The following ERBB3 variants were observed in gnomAD, a reference collection of about 807,000 sequenced individuals.
ERBB3 encodes erb-b2 receptor tyrosine kinase 3.
A neutral mutation model predicts 156.7 loss-of-function variants in ERBB3; 96 were observed. The observed-to-expected ratio is 0.61, with a 90% CI of 0.52 to 0.73. The LOEUF (loss-of-function observed/expected upper bound fraction) is 0.73, where lower values mean the gene tolerates loss of function less well. ERBB3 is among the 30% of genes least tolerant of loss of function. The pLI is 0.00. For missense variants in ERBB3, 1,406 were observed against 1,709.4 expected (o/e 0.82, Z 3.13); for synonymous variants, 567 against 632.0 (o/e 0.90, Z 1.54).
intron 9 of ERBB3, chr12:56,089,184 AGTGCAGTGGCGT>A: frequency 4.3e-6 from 2 of 465,746 alleles, no homozygotes; most frequent in Non-Finnish European, 8.5e-6. Context: ...CCTAGGCTGG[AGTGCAGTGGCGT>A]GATCTCGACT....
chr12:56,094,034 TGAGATCG>T, intron 13 of ERBB3, 58 bp from the exon 14 acceptor site: 8 of 1,553,468 alleles, frequency 5.1e-6, no homozygotes, highest in Non-Finnish European at 7.1e-6. Flanking sequence ...CCTGTGGTTG[TGAGATCG>T]GAGCATGAAG....
Position 56,087,570 on chromosome 12 carries a change from C to A in ERBB3, c.548-7C>A. 1 of 1,613,838 alleles carries A rather than the reference C, an allele frequency of 6.2e-7. No homozygotes were observed. The highest frequency in any genetic ancestry group is 8.5e-7 in the Non-Finnish European group (1 of 1,179,726). ...TGGCCCCTTGTGTTGCCTTCCTTCC[C>A]AACCAGGTCCCCCCTGTCATGAGGT... On this transcript the variant is annotated splice_region_variant and splice_polypyrimidine_tract_variant and intron_variant, in intron 4 of 27. Coordinates refer to ENST00000267101, the MANE Select transcript of ERBB3 (RefSeq NM_001982.4).
At chr12:56,100,323 G>A in intron 26 of ERBB3, 78 bp downstream of exon 26, 1 of 1,200,388 alleles carries the variant, frequency 8.3e-7, no homozygotes, top group African/African-American at 1.5e-5. Flanking sequence ...AAACCTCTGA[G>A]GTTTAATCAG....
In ERBB3 at chr12:56,093,467, A is replaced by T. The variant is rs1408437991; in HGVS notation, c.1397A>T (p.His466Leu). The stretch of plus-strand genomic sequence containing the variant: ...GCCAATAGGCAGCTCTGCTACCACC[A>T]CTCTTTGAACTGGACCAAGGTGCTT... Reference protein sequence around the residue: ...ISANRQLCYHHSLNWTKVLRG... With the variant: ...ISANRQLCYHLSLNWTKVLRG... The change falls in exon 12 of 28, where the codon CAC (histidine) becomes CTC (leucine). Residue 466 changes from histidine (H) to leucine (L), a missense_variant. By Grantham distance (99) the His-to-Leu change is moderately conservative. Transcript: ENST00000267101. The T allele has an allele frequency of 6.2e-7, 1 of 1,613,598 alleles. No homozygotes were observed. The highest frequency in any genetic ancestry group is 1.1e-5 in the South Asian group (1 of 91,072).
In ERBB3 at chr12:56,096,497, C is replaced by T. The variant is rs373877469; in HGVS notation, c.2056-6C>T. ...CCTGAGTAACTCCTTCCCATTTGCT[C>T]CTCAGAGCATAGAGCCTCTGGACCC... is the stretch of plus-strand genomic sequence containing the variant. On this transcript the variant is annotated splice_polypyrimidine_tract_variant and splice_region_variant and intron_variant, in intron 17 of 27. Transcript: ENST00000267101. 3 of 1,613,736 alleles carry T rather than the reference C, an allele frequency of 1.9e-6. No individual in the cohort carries two copies. In the African/African-American group the frequency reaches 4.0e-5, roughly 22 times the overall value.
chr12:56,098,976 CAG>C (rs949101360), intron 23 of ERBB3, 71 bp downstream of exon 23: 102 of 1,281,610 alleles, frequency 8.0e-5, no homozygotes, highest in Non-Finnish European at 1.1e-4. Context: ...TTTTTTGAGA[CAG>C]AGTCTCACAA....
intron 1 of ERBB3, 101 bp from the exon 2 acceptor site, chr12:56,083,650 G>GT: frequency 7.4e-7 from 1 of 1,344,818 alleles, no homozygotes. Context: ...CCTGTCTAAT[G>GT]TAACTGGAAG....
At position 56,101,873 on chromosome 12, in the gene ERBB3, C is replaced by T. The variant is rs1592232893; in HGVS notation, c.3847C>T (p.Pro1283Ser). The T allele has an allele frequency of 6.2e-7, 1 of 1,613,358 alleles. No homozygotes were observed. Among genetic ancestry groups the T allele is most frequent in the Non-Finnish European group, 8.5e-7 (1 of 1,179,828 alleles). Residue 1283 changes from proline (P) to serine (S), a missense_variant, in exon 28 of 28, where the codon CCA becomes TCA. Around this residue, in one of 3 missense-constraint regions of ERBB3, gnomAD observed 415 missense variants for 454.1 expected, o/e 0.91. Transcript: ENST00000267101. ...TGATTATGCAGCCATGGGGGCCTGC[C>T]CAGCATCTGAGCAAGGGTATGAAGA... Reference protein sequence around the residue: ...GGDYAAMGACPASEQGYEEMR... With the variant: ...GGDYAAMGACSASEQGYEEMR...
rs1180555614 is a variant in ERBB3, at chr12:56,093,524, A to G, written c.1454A>G (p.Lys485Arg). 1.2e-6 allele frequency: 2 copies of G among 1,613,176 alleles called. No individual in the cohort carries two copies. Among genetic ancestry groups the G allele is most frequent in the South Asian group, 1.1e-5 (1 of 91,070 alleles). ...RGPTEERLDIKHNRPRRDCVA... is the reference protein window; with the variant it reads ...RGPTEERLDIRHNRPRRDCVA... ...CCTACGGAAGAGCGACTAGACATCA[A>G]GCATAATCGGCCGCGCAGAGACTGC... The change falls in exon 12 of 28, where the codon AAG (lysine) becomes AGG (arginine). Residue 485 changes from lysine (K) to arginine (R), a missense_variant. Transcript: ENST00000267101.
rs112340323 is a variant in ERBB3, at chr12:56,090,699, T to TACAC, written c.1109+1849_1109+1852dup. ...ACTTCTCTCTCTCTCTGTCTCTCTC[T>TACAC]ACACACACACACACACACACAAAAC... On this transcript the variant is annotated intron_variant, in intron 9 of 27. Coordinates refer to ENST00000267101, the MANE Select transcript of ERBB3 (RefSeq NM_001982.4). Among the ~76,000 whole-genome samples, 66 of 149,832 alleles carry TACAC rather than the reference T, an allele frequency of 4.4e-4. No homozygotes were observed. The East Asian group carries it at 7.2e-3, about 16-fold the overall frequency.
intron 1 of ERBB3, among the ~76,000 whole-genome samples, chr12:56,082,810 A>G (rs1868369708): frequency 6.6e-6 from 1 of 152,174 alleles, no homozygotes; most frequent in African/African-American, 2.4e-5. Flanking sequence ...AGTGTGGGTG[A>G]GGATTGCCAT....
rs200350558 is a variant in ERBB3 at position 56,094,436 on chromosome 12, G to A, written c.1739G>A (p.Arg580Gln). 5.6e-6 allele frequency: 9 copies of A among 1,614,048 alleles called. No individual in the cohort carries two copies. The highest frequency in any genetic ancestry group is 4.5e-5 in the East Asian group (2 of 44,882). Residue 580 changes from arginine (R) to glutamine (Q), a missense_variant, in exon 15 of 28, where the codon CGA (arginine) becomes CAA (glutamine). Around this residue, in one of 3 missense-constraint regions of ERBB3, gnomAD observed 979 missense variants for 1,219.6 expected, o/e 0.80. Coordinates refer to ENST00000267101, the MANE Select transcript of ERBB3 (RefSeq NM_001982.4). ...ACTTGTGCTCAATGTGCCCATTTTC[G>A]AGATGGGCCCCACTGTGTGAGCAGC... ...SDTCAQCAHF[R>Q]DGPHCVSSCP...
chr12:56,086,316 G>C (rs117859597), intron 3 of ERBB3, among the ~76,000 whole-genome samples: 113 of 152,146 alleles, frequency 7.4e-4, no homozygotes, highest in Non-Finnish European at 1.5e-3. Flanking sequence ...AGCTAAACCG[G>C]ATCTGGACAG....
chr12:56,081,934 C>T (rs1868358619), intron 1 of ERBB3, among the ~76,000 whole-genome samples: 1 of 152,096 alleles, frequency 6.6e-6, no homozygotes, highest in South Asian at 2.1e-4. Context: ...TTTATGATTC[C>T]CTTCCCCTGC....
At position 56,102,226 on chromosome 12, in the gene ERBB3, T is replaced by C. The variant is rs376206732; in HGVS notation, c.*171T>C. On this transcript the variant is annotated 3_prime_UTR_variant, in exon 28 of 28. Transcript: ENST00000267101. ...TAAACATTTTGACACAAAATTCTTA[T>C]GGTATGTAGCCAGCTGTGCACTTTC... The C allele has an allele frequency of 1.5e-3, 984 of 657,092 alleles. 18 individuals carry two copies. The South Asian group carries it at 0.015, about 10-fold the overall frequency. The allele number at this position is 657,092 out of a possible 1,614,324, so 40.7% of individuals were successfully genotyped here. A position where few individuals can be genotyped will look rare whatever the true frequency, so the allele number is the denominator to read the frequency against.
At position 56,097,177 on chromosome 12, in the gene ERBB3, C is replaced by T. The variant is rs747131244; in HGVS notation, c.2407C>T (p.Arg803Trp). The change falls in exon 20 of 28, where the codon CGG becomes TGG. Residue 803 changes from arginine (R) to tryptophan (W), a missense_variant. Physicochemically the swap from Arg to Trp is moderately radical, Grantham distance 101 (BLOSUM62 -3). Coordinates refer to ENST00000267101, the MANE Select transcript of ERBB3 (RefSeq NM_001982.4). ...TCTGCTGGATCATGTGAGACAACAC[C>T]GGGGGGCACTGGGGCCACAGCTGCT... The part of the protein sequence containing the change: ...GSLLDHVRQH[R>W]GALGPQLLLN... The T allele has an allele frequency of 9.9e-6, 16 of 1,613,842 alleles. No homozygotes were observed. Among genetic ancestry groups the T allele is most frequent in the Admixed American group, 1.7e-5 (1 of 59,956 alleles).
At position 56,086,565 on chromosome 12, in the gene ERBB3, C is replaced by T. The variant is rs147412657; in HGVS notation, c.456C>T (p.Asn152=). 83 of 1,613,988 alleles carry T rather than the reference C, an allele frequency of 5.1e-5. No individual in the cohort carries two copies. The highest frequency in any genetic ancestry group is 2.9e-4 in the South Asian group (26 of 91,080). The change falls in exon 4 of 28, where the codon AAC becomes AAT. Residue 152 remains asparagine, a synonymous_variant. Coordinates refer to ENST00000267101, the MANE Select transcript of ERBB3 (RefSeq NM_001982.4). The stretch of plus-strand genomic sequence containing the variant: ...CAGGGGGTGTTTATATTGAGAAGAA[C>T]GATAAGCTTTGTCACATGGACACAA... The part of the protein sequence containing the change: ...ILSGGVYIEK[N]DKLCHMDTID...
rs1750822099 is a variant in ERBB3, at chr12:56,100,093, C to G, written c.3129+64C>G. 1.9e-6 allele frequency: 3 copies of G among 1,590,892 alleles called. No individual in the cohort carries two copies. The South Asian group carries it at 3.3e-5, about 18-fold the overall frequency. On this transcript the variant is annotated intron_variant, in intron 25 of 27. Transcript: ENST00000267101. Reference sequence around the variant, plus strand: ...AGCCCTCACAAACCCTACAGATACCCAGATTAACTACTCAAAGGCCCCCAT... The same window carrying G: ...AGCCCTCACAAACCCTACAGATACCGAGATTAACTACTCAAAGGCCCCCAT...
intron 4 of ERBB3, 46 bp from the exon 5 acceptor site, chr12:56,087,531 T>C (rs1050893934): frequency 2.6e-6 from 4 of 1,531,012 alleles, no homozygotes; most frequent in Non-Finnish European, 2.7e-6. Context: ...AAAACAAGCC[T>C]TTCTTAGCCC....
Sources: gnomAD v4.1 joint callset for allele counts (sites outside exome capture counted in the v4.1 genomes callset) on GRCh38, gnomAD v4.1.1 for gene constraint, gnomAD v4.1.1 regional missense constraint, MANE v1.5 for transcripts, NCBI Gene and HGNC (gene_info 2026-07-23, HGNC 2026-07-21) for gene names.